The following CFAP298 variants were observed in gnomAD, a reference collection of about 807,000 sequenced individuals.
CFAP298 encodes the protein cilia- and flagella-associated protein 298.
A neutral mutation model predicts 41.0 loss-of-function variants in CFAP298; 38 were observed. The ratio of observed to expected loss-of-function variants is 0.93; its 90% CI spans 0.72 to 1.22. CFAP298 has a LOEUF of 1.22. Among genes scored for constraint, CFAP298 ranks in the 50% most tolerant of loss-of-function variants. The pLI is 0.00. For missense variants in CFAP298, 348 were observed against 360.3 expected (o/e 0.97, Z 0.28); for synonymous variants, 137 against 135.3 (o/e 1.01, Z -0.09).
rs1365325735 is a variant in CFAP298 at position 32,604,438 on chromosome 21, G to A, written c.376-155C>T. On this transcript the variant is annotated intron_variant, in intron 3 of 6. Transcript: ENST00000290155. ...AGAGTGACTACCATCTATTTCAGGG[G>A]CTGAGCGAAGCACACCGTGGCCTGT... 3.9e-6 allele frequency: 3 copies of A among 767,786 alleles called. No homozygotes were observed. The East Asian group carries it at 8.1e-5, about 21-fold the overall frequency. The allele number at this position is 767,786 out of a possible 1,614,324, so 47.6% of individuals were successfully genotyped here. A position where few individuals can be genotyped will look rare whatever the true frequency, so the allele number is the denominator to read the frequency against.
rs192392699 is a variant in CFAP298, at chr21:32,601,127, G to T, written c.*736C>A. On this transcript the variant is annotated 3_prime_UTR_variant, in exon 7 of 7. Coordinates refer to ENST00000290155, the MANE Select transcript of CFAP298 (RefSeq NM_021254.4). ...TAGAGAAGTCTCTCCAGCAAGGCTG[G>T]GAGTTCAGCTTCCAATAGATCTAGA... Among the ~76,000 whole-genome samples the T allele has an allele frequency of 2.8e-3, 424 of 152,202 alleles. 4 individuals are homozygous for T. Among genetic ancestry groups the T allele is most frequent in the African/African-American group, 9.8e-3 (407 of 41,516 alleles).
intron 6 of CFAP298, 93 bp from the exon 7 acceptor site, chr21:32,602,066 C>A: frequency 6.6e-6 from 6 of 915,742 alleles, no homozygotes; most frequent in East Asian, 2.4e-5. Context: ...TGACCTCCCC[C>A]TCTCCCTGCC....
intron 2 of CFAP298, among the ~76,000 whole-genome samples, chr21:32,609,074 G>T (rs1444630159): frequency 6.6e-6 from 1 of 152,214 alleles, no homozygotes; most frequent in Admixed American, 6.5e-5. Context: ...GTTTTGCCGT[G>T]TACTGAAGTG....
At position 32,609,964 on chromosome 21, in the gene CFAP298, T is replaced by C. The variant is rs2038953310; in HGVS notation, c.181A>G (p.Asn61Asp). ...TGATCATCGGTCAGTCCTTGCATAT[T>C]AGGAGGGAGAAATATGCCATGTTCG... ...LAEHGIFLPPNMQGLTDDQIE... is the reference protein window; with the variant it reads ...LAEHGIFLPPDMQGLTDDQIE... Residue 61 changes from asparagine to aspartate, a missense_variant, in exon 2 of 7, where the codon AAT becomes GAT. By Grantham distance (23) the Asn-to-Asp change is conservative (BLOSUM62 1). Transcript: ENST00000290155. 6.2e-7 allele frequency: 1 copy of C among 1,613,622 alleles called. No homozygotes were observed.
chr21:32,603,042 G>T, intron 5 of CFAP298, 119 bp downstream of exon 5: 1 of 1,347,572 alleles, frequency 7.4e-7, no homozygotes, highest in Non-Finnish European at 1.1e-6. Flanking sequence ...TTAAACCCGA[G>T]CCAATAAGAT....
At chr21:32,608,010 G>A (rs971243647) in intron 2 of CFAP298, among the ~76,000 whole-genome samples, 5 of 152,186 alleles carry the variant, frequency 3.3e-5, no homozygotes, top group Non-Finnish European at 7.4e-5. Context: ...GGGCCAGAGA[G>A]TAAAATTTGA....
In CFAP298 at chr21:32,599,721, G is replaced by A. The variant is rs1782962; in HGVS notation, c.*2142C>T. On this transcript the variant is annotated 3_prime_UTR_variant, in exon 7 of 7. Transcript: ENST00000290155. ...GATGCAAAGGGAACACACACAGCAC[G>A]GTGCCACAGCGGGCACCACCTGCCC... Among the ~76,000 whole-genome samples the A allele has an allele frequency of 0.046, 6,956 of 152,166 alleles. 154 individuals are homozygous for A. The highest frequency in any genetic ancestry group is 0.067 in the African/African-American group (2,764 of 41,510).
rs1013519868 is a variant in CFAP298 at position 32,612,328 on chromosome 21, C to T, written c.-85G>A. 124 of 1,459,558 alleles carry T rather than the reference C, an allele frequency of 8.5e-5. No individual in the cohort carries two copies. The highest frequency in any genetic ancestry group is 1.0e-4 in the Non-Finnish European group (115 of 1,105,348). 90.4% of individuals were successfully genotyped at this position (1,459,558 alleles called of 1,614,324 possible). A position where few individuals can be genotyped will look rare whatever the true frequency, so the allele number is the denominator to read the frequency against. On this transcript the variant is annotated 5_prime_UTR_variant, in exon 1 of 7. Transcript: ENST00000290155. The stretch of plus-strand genomic sequence containing the variant: ...CTGCCGGCCGAGGGTCGCCGGATCG[C>T]CAGCAGCTGCGACGCACTAACAGCC...
rs376987561 is a variant in CFAP298 at position 32,603,156 on chromosome 21, C to T, written c.666+5G>A. On this transcript the variant is annotated splice_donor_5th_base_variant and intron_variant, in intron 5 of 6. Transcript: ENST00000290155. ...TACTGACACATTAAAGCAAAAAGTACTTACTTGCTGAATCTTGGCGATAAT... is the reference window on the plus strand; with the variant it reads ...TACTGACACATTAAAGCAAAAAGTATTTACTTGCTGAATCTTGGCGATAAT... The T allele has an allele frequency of 3.7e-5, 59 of 1,614,178 alleles. 1 individual carries two copies. The African/African-American group carries it at 4.8e-4, about 13-fold the overall frequency.
chr21:32,604,199 A>T lies in CFAP298; in HGVS notation c.460T>A (p.Tyr154Asn). The change falls in exon 4 of 7, where the codon TAC (tyrosine) becomes AAC (asparagine). Residue 154 changes from tyrosine to asparagine, a missense_variant. Tyr to Asn is a moderately radical substitution (Grantham distance 143). Coordinates refer to ENST00000290155, the MANE Select transcript of CFAP298 (RefSeq NM_021254.4). Reference sequence around the variant, plus strand: ...TCATACGGTGGCAACCCCATGGGGTAAACAATCATCACCGCGCCTCGAAGC... The same window carrying T: ...TCATACGGTGGCAACCCCATGGGGTTAACAATCATCACCGCGCCTCGAAGC... ...DQLRGAVMIV[Y>N]PMGLPPYDPI... The T allele has an allele frequency of 1.2e-6, 2 of 1,614,168 alleles. No homozygotes were observed. Among genetic ancestry groups the T allele is most frequent in the Non-Finnish European group, 1.7e-6 (2 of 1,180,018 alleles).
chr21:32,602,118 C>A (rs1407164951), intron 6 of CFAP298, 145 bp from the exon 7 acceptor site: 3 of 872,196 alleles, frequency 3.4e-6, no homozygotes, highest in Non-Finnish European at 5.5e-6. Flanking sequence ...CCAGGGGACA[C>A]CTGGCAGGAC....
intron 1 of CFAP298, 55 bp from the exon 2 acceptor site, chr21:32,610,060 A>G: frequency 6.7e-7 from 1 of 1,488,288 alleles, no homozygotes. Flanking sequence ...ACCCCATTGG[A>G]ATGTAAGCTC....
chr21:32,602,061 T>C, intron 6 of CFAP298, 88 bp from the exon 7 acceptor site: 1 of 921,814 alleles, frequency 1.1e-6, no homozygotes, highest in Non-Finnish European at 1.8e-6. Flanking sequence ...ATGACTGACC[T>C]CCCCCTCTCC....
rs185942326 is a variant in CFAP298, at chr21:32,599,956, T to C, written c.*1907A>G. 2.6e-5 allele frequency among the ~76,000 whole-genome samples: 4 copies of C among 152,346 alleles called. No individual in the cohort carries two copies. The East Asian group carries it at 7.7e-4, about 29-fold the overall frequency. ...CTGCTGATTACATGAAGCAATGGGATAACTATCACGGCCAAAAGAGTATTC... is the reference window on the plus strand; with the variant it reads ...CTGCTGATTACATGAAGCAATGGGACAACTATCACGGCCAAAAGAGTATTC... On this transcript the variant is annotated 3_prime_UTR_variant, in exon 7 of 7. Coordinates refer to ENST00000290155, the MANE Select transcript of CFAP298 (RefSeq NM_021254.4).
Position 32,602,437 on chromosome 21 carries a change from A to C in CFAP298, c.667-70T>G, listed in dbSNP as rs576336322. The C allele has an allele frequency of 8.4e-6, 13 of 1,554,858 alleles. No individual in the cohort carries two copies. In the South Asian group the frequency reaches 1.2e-4, roughly 14 times the overall value. ...AGAGTGACAATCCTGAAGTTACAACAAATGTTTTACGATTGCCTTTGCCGG... is the reference window on the plus strand; with the variant it reads ...AGAGTGACAATCCTGAAGTTACAACCAATGTTTTACGATTGCCTTTGCCGG... On this transcript the variant is annotated intron_variant, in intron 5 of 6. Coordinates refer to ENST00000290155, the MANE Select transcript of CFAP298 (RefSeq NM_021254.4).
chr21:32,602,581 C>A, intron 5 of CFAP298: 1 of 1,378,604 alleles, frequency 7.3e-7, no homozygotes, highest in Non-Finnish European at 9.4e-7. Context: ...AGAGGCTGCA[C>A]GATACCATCT....
In CFAP298 at chr21:32,601,784, CTT is replaced by C. The variant is rs79380292; in HGVS notation, c.*77_*78del. ...TCTTTTACAGAGGGCAGTAAGTGGC[CTT>C]TTTTTTTTTTTTAAATTATAATTGC... On this transcript the variant is annotated 3_prime_UTR_variant, in exon 7 of 7. Coordinates refer to ENST00000290155, the MANE Select transcript of CFAP298 (RefSeq NM_021254.4). The C allele has an allele frequency of 3.6e-3, 2,142 of 599,096 alleles. No homozygotes were observed. The highest frequency in any genetic ancestry group is 5.5e-3 in the South Asian group (262 of 47,226). The allele number at this position is 599,096 out of a possible 1,614,324, so 37.1% of individuals were successfully genotyped here.
intron 1 of CFAP298, 133 bp downstream of exon 1, chr21:32,611,972 G>T: frequency 8.8e-7 from 1 of 1,138,174 alleles, no homozygotes; most frequent in Non-Finnish European, 1.2e-6. Flanking sequence ...CTAGTGTCCC[G>T]TTTCAACCCC....
Position 32,601,240 on chromosome 21 carries a change from CCAGTTA to C in CFAP298, c.*617_*622del, listed in dbSNP as rs1272270681. Among the ~76,000 whole-genome samples the C allele has an allele frequency of 6.6e-6, 1 of 150,808 alleles. No homozygotes were observed. The highest frequency in any genetic ancestry group is 3.2e-3 in the Middle Eastern group (1 of 314). ...CAGTCATCAGCTTTCCTCCAATAAA[CCAGTTA>C]TCATGAGAATATAAAACAATCAGGA... On this transcript the variant is annotated 3_prime_UTR_variant, in exon 7 of 7. Transcript: ENST00000290155.
Sources: allele counts gnomAD v4.1 joint callset (sites outside exome capture counted in the v4.1 genomes callset), GRCh38; gene constraint gnomAD v4.1.1; transcripts MANE v1.5; gene names NCBI Gene and HGNC (gene_info 2026-07-23, HGNC 2026-07-21).